WNT8A: variants seen among roughly 807,000 people sequenced by gnomAD.
WNT8A encodes the protein Wnt family member 8A, also known as protein Wnt-8a.
WNT8A carries 14 observed loss-of-function variants against 20.5 expected under a neutral mutation model. The ratio of observed to expected loss-of-function variants is 0.68; its 90% CI spans 0.45 to 1.07. WNT8A has a LOEUF of 1.07. Among genes scored for constraint, WNT8A ranks in the 50% least tolerant of loss-of-function variants. WNT8A has a pLI of 0.00. For synonymous variants in WNT8A, 167 were observed against 169.2 expected, an observed-to-expected ratio of 0.99 and a Z score of 0.10; for missense variants, 397 against 462.9, an observed-to-expected ratio of 0.86 and a Z score of 1.31.
In WNT8A at chr5:138,085,711, C is replaced by T. The variant is rs143995832; in HGVS notation, c.295+1075C>T. Reference sequence around the variant, plus strand: ...TAAAAATAAAAGTAAAAATATTAGCCGGCATGGTAGCATGTGCCTGTAGTC... The same window carrying T: ...TAAAAATAAAAGTAAAAATATTAGCTGGCATGGTAGCATGTGCCTGTAGTC... On this transcript the variant is annotated intron_variant, in intron 2 of 4. Transcript: ENST00000506684. 2.8e-3 allele frequency among the ~76,000 whole-genome samples: 432 copies of T among 151,736 alleles called. 1 individual carries two copies. The highest frequency in any genetic ancestry group is 5.1e-3 in the Non-Finnish European group (343 of 67,898).
upstream of WNT8A, among the ~76,000 whole-genome samples, chr5:138,082,470 T>C (rs1750533367): frequency 6.6e-6 from 1 of 152,074 alleles, no homozygotes; most frequent in Non-Finnish European, 1.5e-5. Flanking sequence ...TCTCAGCTAC[T>C]GGGGAGGCTG....
intron 4 of WNT8A, among the ~76,000 whole-genome samples, chr5:138,090,136 T>G (rs991004570): frequency 6.6e-6 from 1 of 152,196 alleles, no homozygotes; most frequent in Non-Finnish European, 1.5e-5. Context: ...ATTATCATAG[T>G]TTCCTTTATA....
Position 138,090,509 on chromosome 5 carries a change from T to C in WNT8A, c.565-19T>C. Reference sequence around the variant, plus strand: ...CTTCCCTACTCAGAGCCATTCTCTTTTGTGTTCTCTCTATGAAGGCAGTGA... The same window carrying C: ...CTTCCCTACTCAGAGCCATTCTCTTCTGTGTTCTCTCTATGAAGGCAGTGA... On this transcript the variant is annotated intron_variant, in intron 4 of 4. Coordinates refer to ENST00000506684, the MANE Select transcript of WNT8A (RefSeq NM_001300939.2). The C allele has an allele frequency of 6.2e-7, 1 of 1,609,660 alleles. No individual in the cohort carries two copies. Among genetic ancestry groups the C allele is most frequent in the Non-Finnish European group, 8.5e-7 (1 of 1,177,176 alleles).
Position 138,084,653 on chromosome 5 carries a change from C to T in WNT8A, c.295+17C>T. The T allele has an allele frequency of 1.9e-6, 3 of 1,596,410 alleles. No individual in the cohort carries two copies. Among genetic ancestry groups the T allele is most frequent in the Non-Finnish European group, 2.6e-6 (3 of 1,170,036 alleles). On this transcript the variant is annotated intron_variant, in intron 2 of 4. Transcript: ENST00000506684. The stretch of plus-strand genomic sequence containing the variant: ...TGAGAAGTGGTAAGTTTGTGTGGGA[C>T]TCACCTGTACAAGGGGTATATATGT...
At chr5:138,088,210 G>T (rs920409784) in intron 3 of WNT8A, among the ~76,000 whole-genome samples, 3 of 152,066 alleles carry the variant, frequency 2.0e-5, no homozygotes, top group Non-Finnish European at 4.4e-5. Flanking sequence ...GGCTTGGAAT[G>T]GTTCATCCAT....
upstream of WNT8A, among the ~76,000 whole-genome samples, chr5:138,079,250 T>G (rs964953721): frequency 6.6e-6 from 1 of 150,850 alleles, no homozygotes; most frequent in Non-Finnish European, 1.5e-5. Flanking sequence ...GCAAACTGGT[T>G]GTTAAATAAA....
upstream of WNT8A, among the ~76,000 whole-genome samples, chr5:138,082,942 T>A (rs1006075608): frequency 4.6e-5 from 7 of 150,590 alleles, no homozygotes; most frequent in South Asian, 2.1e-4. Flanking sequence ...AAAGACAGAT[T>A]CCCACCTAAG....
At chr5:138,088,478 TCCCGAGTAGCTGGGACTACAGGTG>T (rs1277333051) in intron 3 of WNT8A, among the ~76,000 whole-genome samples, 4 of 151,356 alleles carry the variant, frequency 2.6e-5, no homozygotes, top group Admixed American at 6.6e-5. Context: ...TGCCTCAGCC[TCCCGAGTAGCTGGGACTACAGGTG>T]CCCGCCACCA....
intron 4 of WNT8A, among the ~76,000 whole-genome samples, chr5:138,090,237 C>G (rs936632198): frequency 5.3e-5 from 8 of 152,096 alleles, no homozygotes; most frequent in African/African-American, 1.4e-4. Flanking sequence ...TACAGTTGAG[C>G]CTGGAGCAGA....
intron 2 of WNT8A, among the ~76,000 whole-genome samples, chr5:138,086,781 T>C (rs1434262186): frequency 6.7e-6 from 1 of 149,980 alleles, no homozygotes; most frequent in East Asian, 2.0e-4. Flanking sequence ...ATGCCTGTAA[T>C]CCCAGCACTT....
Position 138,090,809 on chromosome 5 carries a change from C to T in WNT8A, c.846C>T (p.Ser282=). 6.2e-7 allele frequency: 1 copy of T among 1,614,234 alleles called. No homozygotes were observed. Among genetic ancestry groups the T allele is most frequent in the South Asian group, 1.1e-5 (1 of 91,088 alleles). Residue 282 remains serine, a synonymous_variant, in exon 5 of 5, where the codon AGC becomes AGT. Coordinates refer to ENST00000506684, the MANE Select transcript of WNT8A (RefSeq NM_001300939.2). ...ESPDYCTCNS[S]LGIYGTEGRE... Reference sequence around the variant, plus strand: ...CAGATTACTGTACCTGCAATTCCAGCCTGGGCATCTATGGCACAGAGGGTC... The same window carrying T: ...CAGATTACTGTACCTGCAATTCCAGTCTGGGCATCTATGGCACAGAGGGTC...
intron 2 of WNT8A, 75 bp downstream of exon 2, chr5:138,084,711 T>A: frequency 6.7e-7 from 1 of 1,498,698 alleles, no homozygotes; most frequent in Non-Finnish European, 8.9e-7. Context: ...TGTGTATATG[T>A]GTGACATGTA....
rs1222825474 is a variant in WNT8A, at chr5:138,090,762, C to A, written c.799C>A (p.Leu267Met). Residue 267 changes from leucine to methionine, a missense_variant, in exon 5 of 5, where the codon CTG (leucine) becomes ATG (methionine). Physicochemically the swap from Leu to Met is conservative, Grantham distance 15 (BLOSUM62 2). Transcript: ENST00000506684. ...EAFLPSAEAE[L>M]IFLEESPDYC... Reference sequence around the variant, plus strand: ...CTTCCTTCCTAGCGCAGAGGCGGAACTGATCTTTTTAGAGGAATCACCAGA... The same window carrying A: ...CTTCCTTCCTAGCGCAGAGGCGGAAATGATCTTTTTAGAGGAATCACCAGA... The A allele has an allele frequency of 1.2e-6, 2 of 1,614,218 alleles. No individual in the cohort carries two copies. Among genetic ancestry groups the A allele is most frequent in the Non-Finnish European group, 1.7e-6 (2 of 1,180,038 alleles).
At chr5:138,083,602 T>C (rs993991537), upstream of WNT8A, among the ~76,000 whole-genome samples, 1 of 152,140 alleles carries the variant, frequency 6.6e-6, no homozygotes, top group Non-Finnish European at 1.5e-5. Flanking sequence ...CAGATGGAGT[T>C]GCTTTATGAT....
At chr5:138,084,322 G>T (rs376897734) in intron 1 of WNT8A, 39 bp downstream of exon 1, 30 of 1,608,308 alleles carry the variant, frequency 1.9e-5, no homozygotes, top group African/African-American at 1.1e-4. Context: ...CCCACTGAGG[G>T]CCCTAAGGGG....
intron 3 of WNT8A, among the ~76,000 whole-genome samples, 170 bp from the exon 4 acceptor site, chr5:138,088,757 G>C (rs950459134): frequency 2.2e-4 from 34 of 152,174 alleles, no homozygotes; most frequent in East Asian, 7.7e-4. Context: ...GTGTCTGAAG[G>C]GTGGGCAGTT....
upstream of WNT8A, chr5:138,084,028 C>T: frequency 1.3e-6 from 2 of 1,497,390 alleles, no homozygotes; most frequent in South Asian, 2.4e-5. Flanking sequence ...AGACCCTGCC[C>T]TCTCCTCACT....
chr5:138,080,630 T>C (rs1231929190), upstream of WNT8A, among the ~76,000 whole-genome samples: 1 of 151,622 alleles, frequency 6.6e-6, no homozygotes, highest in African/African-American at 2.4e-5. Flanking sequence ...AGACAGGGTC[T>C]CATTCTGCCA....
At chr5:138,079,294 AATTAT>A (rs1294998262), upstream of WNT8A, among the ~76,000 whole-genome samples, 10 of 147,882 alleles carry the variant, frequency 6.8e-5, no homozygotes, top group East Asian at 1.9e-4. Context: ...ATAAACTTAT[AATTAT>A]ATTATAATTA....
Sources: gnomAD v4.1 joint callset for allele counts (sites outside exome capture counted in the v4.1 genomes callset) on GRCh38, gnomAD v4.1.1 for gene constraint, MANE v1.5 for transcripts, NCBI Gene and HGNC (gene_info 2026-07-23, HGNC 2026-07-21) for gene names.